The following MFAP1 variants were observed in gnomAD, a reference collection of about 807,000 sequenced individuals.
MFAP1 encodes the protein microfibrillar-associated protein 1.
Under a neutral mutation model 62.2 loss-of-function variants are expected in MFAP1, and 18 were observed. That is an observed-to-expected ratio of 0.29 (90% confidence interval 0.20 to 0.43). MFAP1 has a LOEUF of 0.43. MFAP1 is among the 20% of genes least tolerant of loss of function. The pLI is 1.00. For missense variants in MFAP1, 355 were observed against 559.7 expected (o/e 0.63, Z 3.69); for synonymous variants, 175 against 180.4 (o/e 0.97, Z 0.24).
At chr15:43,823,213 T>C (rs771269869) in intron 1 of MFAP1, among the ~76,000 whole-genome samples, 4 of 151,964 alleles carry the variant, frequency 2.6e-5, no homozygotes, top group Non-Finnish European at 5.9e-5. Flanking sequence ...CTTGAACTCC[T>C]GGCCTCAAGC....
At chr15:43,822,142 G>A (rs2087470304) in intron 1 of MFAP1, among the ~76,000 whole-genome samples, 1 of 149,944 alleles carries the variant, frequency 6.7e-6, no homozygotes, top group South Asian at 2.1e-4. Flanking sequence ...TAGCTCTATG[G>A]TGAGCCGAGA....
intron 7 of MFAP1, 91 bp downstream of exon 7, chr15:43,809,664 A>T (rs1391908831): frequency 6.8e-7 from 1 of 1,469,160 alleles, no homozygotes; most frequent in African/African-American, 1.4e-5. Flanking sequence ...AGTGGAAATT[A>T]CATTCCAGAA....
chr15:43,817,777 C>A lies in MFAP1; in HGVS notation c.80-329G>T, dbSNP rs2087443148. On this transcript the variant is annotated intron_variant, in intron 1 of 8. Transcript: ENST00000267812. The stretch of plus-strand genomic sequence containing the variant: ...TCCATCACAAATTCATGGTATCCCA[C>A]CTCAACTATACCCTTAAACAAATTA... Among the ~76,000 whole-genome samples, 3 of 152,328 alleles carry A rather than the reference C, an allele frequency of 2.0e-5. No individual in the cohort carries two copies. In the South Asian group the frequency reaches 6.2e-4, roughly 32 times the overall value.
At chr15:43,818,674 CT>C (rs1242708083) in intron 1 of MFAP1, among the ~76,000 whole-genome samples, 1 of 152,040 alleles carries the variant, frequency 6.6e-6, no homozygotes, top group African/African-American at 2.4e-5. Context: ...AGGAGGATTG[CT>C]TAAACCCAGG....
rs2087411142 is a variant in MFAP1 at position 43,812,976 on chromosome 15, T to C, written c.887+11A>G. 1.2e-6 allele frequency: 2 copies of C among 1,613,842 alleles called. No individual in the cohort carries two copies. The highest frequency in any genetic ancestry group is 1.7e-6 in the Non-Finnish European group (2 of 1,179,876). The stretch of plus-strand genomic sequence containing the variant: ...TAGCAGCATTAACTCTAGGCTCATC[T>C]TTTTACTCACGCTTCTCGATCTTCT... On this transcript the variant is annotated intron_variant, in intron 6 of 8. Coordinates refer to ENST00000267812, the MANE Select transcript of MFAP1 (RefSeq NM_005926.3).
At chr15:43,805,880 G>A (rs1210067163) in intron 7 of MFAP1, among the ~76,000 whole-genome samples, 2 of 151,942 alleles carry the variant, frequency 1.3e-5, no homozygotes, top group Non-Finnish European at 2.9e-5. Context: ...CCAAAGTGCT[G>A]GGATTACAGG....
intron 3 of MFAP1, 84 bp from the exon 4 acceptor site, chr15:43,814,772 A>G: frequency 6.6e-7 from 1 of 1,517,040 alleles, no homozygotes; most frequent in Non-Finnish European, 8.9e-7. Flanking sequence ...ATTCAAATGT[A>G]AAAAGATACA....
intron 7 of MFAP1, 40 bp from the exon 8 acceptor site, chr15:43,805,505 C>T (rs1327877002): frequency 1.3e-6 from 2 of 1,531,486 alleles, no homozygotes; most frequent in South Asian, 2.4e-5. Flanking sequence ...GGCTTTATTT[C>T]CTATATATTC....
intron 6 of MFAP1, among the ~76,000 whole-genome samples, chr15:43,810,718 G>C (rs149046971): frequency 6.6e-6 from 1 of 151,370 alleles, no homozygotes; most frequent in East Asian, 2.0e-4. Context: ...GATATCCCTT[G>C]TCTCCAAATA....
chr15:43,817,108 G>A (rs1235965528), intron 2 of MFAP1, 121 bp downstream of exon 2: 12 of 995,242 alleles, frequency 1.2e-5, no homozygotes, highest in Non-Finnish European at 1.6e-5. Flanking sequence ...TAAAGTTATT[G>A]TATGGATTAC....
intron 4 of MFAP1, among the ~76,000 whole-genome samples, 160 bp from the exon 5 acceptor site, chr15:43,813,517 T>C: frequency 6.7e-6 from 1 of 148,862 alleles, no homozygotes; most frequent in East Asian, 2.0e-4. Context: ...TCTTTTTTTT[T>C]TTTTTTTTTT....
chr15:43,805,338 A>G, intron 8 of MFAP1, 38 bp downstream of exon 8: 2 of 1,604,700 alleles, frequency 1.2e-6, no homozygotes, highest in Non-Finnish European at 1.7e-6. Context: ...CTATCAATAC[A>G]TCACTTTTCT....
intron 1 of MFAP1, among the ~76,000 whole-genome samples, chr15:43,819,437 T>C (rs1212764181): frequency 6.6e-6 from 1 of 152,176 alleles, no homozygotes; most frequent in Non-Finnish European, 1.5e-5. Flanking sequence ...CCATCTCTCC[T>C]AGCCTACTAT....
chr15:43,814,459 TGGTAATTAA>T, intron 4 of MFAP1, 33 bp downstream of exon 4: 2 of 1,550,622 alleles, frequency 1.3e-6, no homozygotes, highest in Non-Finnish European at 1.7e-6. Context: ...GCCTGGAAAG[TGGTAATTAA>T]GTGGATTCAG....
At chr15:43,822,979 C>T (rs1170854396) in intron 1 of MFAP1, among the ~76,000 whole-genome samples, 1 of 151,814 alleles carries the variant, frequency 6.6e-6, no homozygotes, top group African/African-American at 2.4e-5. Context: ...GCTGGGATTA[C>T]AGGCGCCTGC....
chr15:43,817,336 C>T lies in MFAP1; in HGVS notation c.192G>A (p.Lys64=), dbSNP rs747524085. ...GCTCTGCTTCTTGTTCTTTGGCTTT[C>T]TTAATGAACTGAAATTCTTCATCCT... ...DEEDEEFQFI[K]KAKEQEAEPE... is the part of the protein sequence containing the mutation. The change falls in exon 2 of 9, where the codon AAG becomes AAA. Residue 64 remains lysine, a synonymous_variant. Transcript: ENST00000267812. 37 of 1,614,042 alleles carry T rather than the reference C, an allele frequency of 2.3e-5. No homozygotes were observed. Among genetic ancestry groups the T allele is most frequent in the Non-Finnish European group, 3.1e-5 (36 of 1,180,042 alleles).
chr15:43,812,924 A>C (rs1035012378), intron 6 of MFAP1, 63 bp downstream of exon 6: 1 of 1,576,510 alleles, frequency 6.3e-7, no homozygotes, highest in African/African-American at 1.4e-5. Flanking sequence ...TGAGTCTCAG[A>C]GCTATCCTGC....
In MFAP1 at chr15:43,817,226, T is replaced by C. The variant is rs185077113; in HGVS notation, c.299+3A>G. ...TTCAAGTAAACACAATCACAGACATTACCTCTCTTCCACATCTTCACTAAT... is the reference window on the plus strand; with the variant it reads ...TTCAAGTAAACACAATCACAGACATCACCTCTCTTCCACATCTTCACTAAT... On this transcript the variant is annotated splice_donor_region_variant and intron_variant, in intron 2 of 8. Transcript: ENST00000267812. The C allele has an allele frequency of 6.8e-5, 109 of 1,612,696 alleles. No individual in the cohort carries two copies. The African/African-American group carries it at 1.3e-3, about 20-fold the overall frequency.
intron 7 of MFAP1, among the ~76,000 whole-genome samples, chr15:43,807,044 G>T (rs926116327): frequency 1.3e-5 from 2 of 151,658 alleles, no homozygotes; most frequent in African/African-American, 4.8e-5. Context: ...TCCCAGCACC[G>T]AATGTCAAAA....
Sources: gnomAD v4.1 joint callset for allele counts (sites outside exome capture counted in the v4.1 genomes callset) on GRCh38, gnomAD v4.1.1 for gene constraint, MANE v1.5 for transcripts, NCBI Gene and HGNC (gene_info 2026-07-23, HGNC 2026-07-21) for gene names.